Variants in ANK2 observed in about 807,000 individuals in gnomAD.
ANK2 encodes the protein ankyrin 2.
In ANK2, 83 loss-of-function variants were observed where a neutral mutation model predicts 360.5. The ratio of observed to expected loss-of-function variants is 0.23; its 90% CI spans 0.19 to 0.28. The LOEUF is 0.28. ANK2 is among the 10% of genes least tolerant of loss of function. The pLI, the probability that ANK2 is intolerant of heterozygous loss-of-function variation, is 1.00. For missense variants in ANK2, 4,201 were observed against 4,795.7 expected (o/e 0.88, Z 3.66); for synonymous variants, 1,740 against 1,759.5 (o/e 0.99, Z 0.28).
chr4:113,245,161 C>T (rs1163114468), intron 9 of ANK2, among the ~76,000 whole-genome samples: 1 of 152,114 alleles, frequency 6.6e-6, no homozygotes, highest in African/African-American at 2.4e-5. Context: ...GGGTTCTTTT[C>T]ATTCTGGCTA....
chr4:113,233,312 T>G lies in ANK2; in HGVS notation c.483+1053T>G, dbSNP rs369774148. Among the ~76,000 whole-genome samples the G allele has an allele frequency of 6.0e-4, 91 of 150,516 alleles. No homozygotes were observed. In the East Asian group the frequency reaches 0.017, roughly 29 times the overall value. ...ACTACGCCCGGCTAATTTTTTTGTA[T>G]TTTTAGTAGAGACGGGGTTTCACCG... is the stretch of plus-strand genomic sequence containing the variant. On this transcript the variant is annotated intron_variant, in intron 5 of 45. Transcript: ENST00000357077.
intron 26 of ANK2, among the ~76,000 whole-genome samples, chr4:113,320,407 A>C (rs12643649): frequency 0.38 from 57,677 of 152,068 alleles, 12,620 homozygotes; most frequent in Non-Finnish European, 0.51. Context: ...TAATCCCAGC[A>C]CTCTGGGAGG....
intron 10 of ANK2, among the ~76,000 whole-genome samples, chr4:113,253,382 T>A (rs2047540152): frequency 6.6e-6 from 1 of 152,156 alleles, no homozygotes; most frequent in Non-Finnish European, 1.5e-5. Flanking sequence ...TATCTTTAAG[T>A]AGTACCTGTA....
chr4:113,063,984 A>G (rs1394674884), intron 1 of ANK2, among the ~76,000 whole-genome samples: 1 of 152,218 alleles, frequency 6.6e-6, no homozygotes, highest in Non-Finnish European at 1.5e-5. Flanking sequence ...GACGTAAAAC[A>G]TCAAACTGAA....
chr4:113,327,578 G>A (rs147423804), intron 26 of ANK2, among the ~76,000 whole-genome samples: 1 of 152,260 alleles, frequency 6.6e-6, no homozygotes, highest in East Asian at 1.9e-4. Context: ...CCTGCTAAGT[G>A]CTCCATCCAC....
intron 43 of ANK2, among the ~76,000 whole-genome samples, chr4:113,372,201 C>T (rs1207866369): frequency 6.6e-6 from 1 of 152,102 alleles, no homozygotes; most frequent in Non-Finnish European, 1.5e-5. Context: ...TCTATGTTTA[C>T]AGTCAGGCTT....
intron 1 of ANK2, among the ~76,000 whole-genome samples, chr4:112,874,122 C>G (rs1223354065): frequency 1.4e-5 from 2 of 141,818 alleles, no homozygotes; most frequent in Admixed American, 1.5e-4. Flanking sequence ...CGCACTGTCT[C>G]CCAAGCTGGA....
At chr4:113,206,566 A>G (rs118044646) in intron 4 of ANK2, among the ~76,000 whole-genome samples, 1 of 152,142 alleles carries the variant, frequency 6.6e-6, no homozygotes, top group Non-Finnish European at 1.5e-5. Flanking sequence ...GACAAGGAAT[A>G]AAAAAGAAGT....
At chr4:113,109,229 C>T (rs898756557) in intron 1 of ANK2, among the ~76,000 whole-genome samples, 1 of 152,174 alleles carries the variant, frequency 6.6e-6, no homozygotes, top group Non-Finnish European at 1.5e-5. Context: ...GCTTTCCTTA[C>T]TCCATCCCTT....
Position 113,357,532 on chromosome 4 carries a change from G to A in ANK2, c.8914G>A (p.Val2972Ile), listed in dbSNP as rs140076489. The A allele has an allele frequency of 1.7e-5, 27 of 1,614,128 alleles. No individual in the cohort carries two copies. The South Asian group carries it at 2.6e-4, about 16-fold the overall frequency. Reference sequence around the variant, plus strand: ...CATCACATCCCCTGTTGAAGACGTTGTAGTGGCAAGCTCCTCTAGTGGAAC... The same window carrying A: ...CATCACATCCCCTGTTGAAGACGTTATAGTGGCAAGCTCCTCTAGTGGAAC... ...VTITSPVEDV[V>I]VASSSSGTVL... is the part of the protein sequence containing the mutation. The change falls in exon 38 of 46, where the codon GTA becomes ATA. Residue 2972 changes from valine to isoleucine, a missense_variant. By Grantham distance (29) the Val-to-Ile change is conservative. Coordinates refer to ENST00000357077, the MANE Select transcript of ANK2 (RefSeq NM_001148.6).
chr4:112,790,599 C>T, the ANK2 span, among the ~76,000 whole-genome samples: 3 of 151,470 alleles, frequency 2.0e-5, no homozygotes, highest in Non-Finnish European at 2.9e-5. Context: ...GCAATTTCTC[C>T]GGCCTCAGCT....
chr4:113,021,541 CATATATATATAT>C lies in ANK2; in HGVS notation c.21+117054_21+117065del, dbSNP rs57817594. 9.4e-3 allele frequency among the ~76,000 whole-genome samples: 901 copies of C among 95,634 alleles called. 54 individuals are homozygous for C. The highest frequency in any genetic ancestry group is 0.031 in the African/African-American group (803 of 26,178). 62.7% of individuals were successfully genotyped at this position (95,634 alleles called of 152,430 possible). A position where few individuals can be genotyped will look rare whatever the true frequency, so the allele number is the denominator to read the frequency against. ...ATACACACACACACCCACACACAAA[CATATATATATAT>C]ATATATATATATATATATATATATA... is the stretch of plus-strand genomic sequence containing the variant. On this transcript the variant is annotated intron_variant, in intron 2 of 30. Transcript: ENST00000503271.
chr4:113,189,957 T>G (rs2098629910), intron 2 of ANK2, among the ~76,000 whole-genome samples: 1 of 151,934 alleles, frequency 6.6e-6, no homozygotes, highest in Non-Finnish European at 1.5e-5. Flanking sequence ...CCTAGTCTTT[T>G]GGATTGTATC....
chr4:112,946,703 G>A (rs2094565908), intron 2 of ANK2, among the ~76,000 whole-genome samples: 1 of 152,184 alleles, frequency 6.6e-6, no homozygotes, highest in Non-Finnish European at 1.5e-5. Context: ...ACTAAACAGT[G>A]ACAGGTACAA....
At chr4:113,153,555 A>G (rs1425813352) in intron 1 of ANK2, among the ~76,000 whole-genome samples, 2 of 152,220 alleles carry the variant, frequency 1.3e-5, no homozygotes, top group East Asian at 1.9e-4. Context: ...TACCATCTAT[A>G]ATACATAATC....
intron 1 of ANK2, among the ~76,000 whole-genome samples, chr4:112,863,869 T>C (rs1257700368): frequency 6.6e-6 from 1 of 152,190 alleles, no homozygotes; most frequent in East Asian, 1.9e-4. Context: ...GACTAACCAG[T>C]CAATTCCATT....
intron 4 of ANK2, among the ~76,000 whole-genome samples, chr4:113,204,175 G>A (rs926666368): frequency 4.0e-5 from 6 of 151,614 alleles, no homozygotes; most frequent in African/African-American, 7.3e-5. Flanking sequence ...CATTAAAATC[G>A]GAAGGAGCAC....
intron 2 of ANK2, among the ~76,000 whole-genome samples, chr4:112,996,899 C>T (rs1252544140): frequency 6.6e-6 from 1 of 152,050 alleles, no homozygotes; most frequent in Admixed American, 6.6e-5. Context: ...ATCCCCAGCC[C>T]CCTACTACCT....
intron 2 of ANK2, among the ~76,000 whole-genome samples, chr4:112,958,620 A>AG (rs1561287089): frequency 2.7e-5 from 4 of 147,096 alleles, no homozygotes; most frequent in Admixed American, 1.3e-4. Context: ...GGAGAGGGAG[A>AG]GGGGGGAGAG....
Sources: gnomAD v4.1 joint callset for allele counts (sites outside exome capture counted in the v4.1 genomes callset) on GRCh38, gnomAD v4.1.1 for gene constraint, MANE v1.5 for transcripts, NCBI Gene and HGNC (gene_info 2026-07-23, HGNC 2026-07-21) for gene names.